FBH1: variants seen among roughly 807,000 people sequenced by gnomAD.
FBH1 encodes F-box DNA helicase 1.
FBH1 carries 43 observed loss-of-function variants against 115.5 expected under a neutral mutation model. That is an observed-to-expected ratio of 0.37 (90% confidence interval 0.29 to 0.48). The LOEUF (loss-of-function observed/expected upper bound fraction) is 0.48. Ranked by LOEUF, FBH1 falls within the 20% of genes least tolerant of loss-of-function variation. FBH1 has a pLI of 0.99. For missense variants in FBH1, 1,001 were observed against 1,337.3 expected (o/e 0.75, Z 3.92); for synonymous variants, 524 against 507.8 (o/e 1.03, Z -0.43).
chr10:5,914,370 C>A lies in FBH1; in HGVS notation c.1396+101C>A. ...CCAGGGCATCTTTGCTCTGATCTGT[C>A]ATCCAACTAATAATTCAATAACAGA... On this transcript the variant is annotated intron_variant, in intron 8 of 20. Transcript: ENST00000362091. The surrounding 1 kb of genome is among the most constrained non-coding windows in gnomAD (Gnocchi z 5.2). 1.1e-6 allele frequency: 1 copy of A among 941,896 alleles called. No individual in the cohort carries two copies. The allele number at this position is 941,896 out of a possible 1,614,324, so 58.3% of individuals were successfully genotyped here.
chr10:5,934,459 C>T (rs1186675886), intron 19 of FBH1: 2 of 149,472 alleles, frequency 1.3e-5, no homozygotes, highest in African/African-American at 2.5e-5. Context: ...CTCACCGCAA[C>T]CTCCACCTCC....
chr10:5,905,997 C>G (rs747084470), intron 2 of FBH1, 40 bp from the exon 3 acceptor site: 5 of 1,427,488 alleles, frequency 3.5e-6, no homozygotes, highest in Non-Finnish European at 4.9e-6. Context: ...CAACAGTCAT[C>G]GTTCATTTCT....
Position 5,906,002 on chromosome 10 carries a change from A to G in FBH1, c.158-35A>G. 1 of 1,489,728 alleles carries G rather than the reference A, an allele frequency of 6.7e-7. No homozygotes were observed. 92.3% of individuals were successfully genotyped at this position (1,489,728 alleles called of 1,614,324 possible). The stretch of plus-strand genomic sequence containing the variant: ...AACAGCAGGTCAACAGTCATCGTTC[A>G]TTTCTTGTCCATCCTGTTTGGGTTC... On this transcript the variant is annotated intron_variant, in intron 2 of 20. Transcript: ENST00000362091. The surrounding 1 kb of genome is among the most constrained non-coding windows in gnomAD (Gnocchi z 7.3).
chr10:5,916,966 CT>C (rs1011572604), intron 10 of FBH1: 3 of 192,690 alleles, frequency 1.6e-5, no homozygotes, highest in African/African-American at 7.1e-5. Context: ...GAGCTTGTCA[CT>C]GGGGCTCCTG....
chr10:5,890,237 C>G (rs145906182), upstream of FBH1: 1 of 358,650 alleles, frequency 2.8e-6, no homozygotes, highest in African/African-American at 2.2e-5. Flanking sequence ...GCGTCTCGGG[C>G]TCCAGGTCCC....
intron 2 of FBH1, among the ~76,000 whole-genome samples, chr10:5,904,969 A>G (rs985105738): frequency 6.6e-6 from 1 of 152,218 alleles, no homozygotes; most frequent in African/African-American, 2.4e-5. Context: ...GAAAGGAACT[A>G]TGTATTATTG....
rs775279363 is a variant in FBH1 at position 5,925,345 on chromosome 10, G to A, written c.2597-22G>A. 3 of 1,612,986 alleles carry A rather than the reference G, an allele frequency of 1.9e-6. No individual in the cohort carries two copies. The highest frequency in any genetic ancestry group is 1.7e-5 in the Admixed American group (1 of 59,832). On this transcript the variant is annotated intron_variant, in intron 17 of 20. Transcript: ENST00000362091. The surrounding 1 kb of genome is among the most constrained non-coding windows in gnomAD (Gnocchi z 4.6). ...CTTTCCCTTTGAAGCACCATCTAACGTGTGCTGTGTTTTTATCCTAGAGTA... is the reference window on the plus strand; with the variant it reads ...CTTTCCCTTTGAAGCACCATCTAACATGTGCTGTGTTTTTATCCTAGAGTA...
chr10:5,908,606 CTT>C (rs962734844), intron 3 of FBH1, among the ~76,000 whole-genome samples: 7 of 143,918 alleles, frequency 4.9e-5, no homozygotes, highest in Non-Finnish European at 3.1e-5. Flanking sequence ...TTTTTTCTTT[CTT>C]TTTTTTTTTT....
At chr10:5,930,155 A>G (rs2048645627) in intron 19 of FBH1, among the ~76,000 whole-genome samples, 3 of 152,234 alleles carry the variant, frequency 2.0e-5, no homozygotes, top group Admixed American at 2.0e-4. Flanking sequence ...AAAAATATGT[A>G]CTTTTTTCCC....
At chr10:5,893,858 TA>T in intron 1 of FBH1, 1 of 371,808 alleles carries the variant, frequency 2.7e-6, no homozygotes, top group Non-Finnish European at 3.7e-6. Flanking sequence ...AGCAGATACG[TA>T]AAAGTAGTTG....
At chr10:5,927,203 T>C (rs1314263989) in intron 18 of FBH1, among the ~76,000 whole-genome samples, 1 of 152,180 alleles carries the variant, frequency 6.6e-6, no homozygotes, top group Non-Finnish European at 1.5e-5. Flanking sequence ...ATTCCCAGGA[T>C]TTACGTAGCA....
chr10:5,931,940 T>TA lies in FBH1; in HGVS notation c.2829+4400dup, dbSNP rs1832993282. ...AGACAGGTCACTTTAAGTCAGGAGTTAGAGATCAGCCTGGCCAACATGGCA... is the reference window on the plus strand; with the variant it reads ...AGACAGGTCACTTTAAGTCAGGAGTTAAGAGATCAGCCTGGCCAACATGGCA... On this transcript the variant is annotated intron_variant, in intron 19 of 20. Coordinates refer to ENST00000362091, the MANE Select transcript of FBH1 (RefSeq NM_178150.3). This position sits in a 1 kb window ranked among gnomAD's most constrained non-coding sequence, Gnocchi z 4.3. Among the ~76,000 whole-genome samples, 1 of 152,182 alleles carries TA rather than the reference T, an allele frequency of 6.6e-6. No individual in the cohort carries two copies. The highest frequency in any genetic ancestry group is 2.4e-5 in the African/African-American group (1 of 41,452).
chr10:5,924,676 T>C lies in FBH1; in HGVS notation c.2596+168T>C. 1.4e-6 allele frequency: 1 copy of C among 709,132 alleles called. No individual in the cohort carries two copies. The highest frequency in any genetic ancestry group is 2.5e-6 in the Non-Finnish European group (1 of 406,500). 43.9% of individuals were successfully genotyped at this position (709,132 alleles called of 1,614,324 possible). A position where few individuals can be genotyped will look rare whatever the true frequency, so the allele number is the denominator to read the frequency against. On this transcript the variant is annotated intron_variant, in intron 17 of 20. Coordinates refer to ENST00000362091, the MANE Select transcript of FBH1 (RefSeq NM_178150.3). The surrounding 1 kb of genome is among the most constrained non-coding windows in gnomAD (Gnocchi z 6.2). ...CCCACCTTCTGGGTTCAAGCAATTA[T>C]CCTGCCTCAGCCTCGTGAGTAGCTG...
At position 5,897,131 on chromosome 10, in the gene FBH1, C is replaced by T. The variant is rs1235070228; in HGVS notation, c.2-5889C>T. Among the ~76,000 whole-genome samples, 6 of 152,140 alleles carry T rather than the reference C, an allele frequency of 3.9e-5. No individual in the cohort carries two copies. The highest frequency in any genetic ancestry group is 1.4e-4 in the African/African-American group (6 of 41,432). On this transcript the variant is annotated intron_variant, in intron 1 of 20. Coordinates refer to ENST00000362091, the MANE Select transcript of FBH1 (RefSeq NM_178150.3). This position sits in a 1 kb window ranked among gnomAD's most constrained non-coding sequence, Gnocchi z 4.7. ...TAGTCACATATTTCTTCTGACGTTT[C>T]TGTTGCTAGGTGTTGACATAGATTT...
chr10:5,894,039 C>CA, intron 1 of FBH1: 1 of 985,372 alleles, frequency 1.0e-6, no homozygotes, highest in Non-Finnish European at 1.2e-6. Context: ...GTGCTGTCTC[C>CA]AAGGGAGTCA....
Position 5,891,203 on chromosome 10 carries a change from A to G in FBH1, c.1+857A>G, listed in dbSNP as rs201895604. 605 of 985,076 alleles carry G rather than the reference A, an allele frequency of 6.1e-4. 9 individuals carry two copies. Among genetic ancestry groups the G allele is most frequent in the Non-Finnish European group, 1.5e-4 (124 of 829,304 alleles). The allele number at this position is 985,076 out of a possible 1,614,324, so 61.0% of individuals were successfully genotyped here. On this transcript the variant is annotated intron_variant, in intron 1 of 20. Transcript: ENST00000362091. The stretch of plus-strand genomic sequence containing the variant: ...GCTGTGGTAAAATGAGCGGAGATAA[A>G]TGAAAAGACTTCTGGAATGGGCCCA...
Position 5,900,980 on chromosome 10 carries a change from C to A in FBH1, c.2-2040C>A, listed in dbSNP as rs913309652. Among the ~76,000 whole-genome samples, 3 of 151,994 alleles carry A rather than the reference C, an allele frequency of 2.0e-5. No homozygotes were observed. The highest frequency in any genetic ancestry group is 4.4e-5 in the Non-Finnish European group (3 of 68,002). On this transcript the variant is annotated intron_variant, in intron 1 of 20. Transcript: ENST00000362091. This position sits in a 1 kb window ranked among gnomAD's most constrained non-coding sequence, Gnocchi z 4.2. ...GGTGTGGTGGAGGGGGCCTGTAGTCCCAGCTACTTGGGAGGCCAAGGCAAG... is the reference window on the plus strand; with the variant it reads ...GGTGTGGTGGAGGGGGCCTGTAGTCACAGCTACTTGGGAGGCCAAGGCAAG...
At position 5,931,964 on chromosome 10, in the gene FBH1, C is replaced by G. The variant is rs1832994419; in HGVS notation, c.2829+4423C>G. 6.6e-6 allele frequency among the ~76,000 whole-genome samples: 1 copy of G among 152,108 alleles called. No homozygotes were observed. The highest frequency in any genetic ancestry group is 1.5e-5 in the Non-Finnish European group (1 of 68,006). The stretch of plus-strand genomic sequence containing the variant: ...TTAGAGATCAGCCTGGCCAACATGG[C>G]AAAACCCTGTCTCTACCAAAAAATA... On this transcript the variant is annotated intron_variant, in intron 19 of 20. Transcript: ENST00000362091. This position sits in a 1 kb window ranked among gnomAD's most constrained non-coding sequence, Gnocchi z 4.3.
intron 1 of FBH1, among the ~76,000 whole-genome samples, chr10:5,896,922 A>G (rs137867704): frequency 6.6e-6 from 1 of 152,340 alleles, no homozygotes; most frequent in African/African-American, 2.4e-5. Flanking sequence ...TGGAAGAAGT[A>G]GCATTTGAGC....
Sources: gnomAD v4.1 joint callset for allele counts (sites outside exome capture counted in the v4.1 genomes callset) on GRCh38, gnomAD v4.1.1 for gene constraint, Gnocchi (gnomAD v3.1) non-coding constraint, MANE v1.5 for transcripts, NCBI Gene and HGNC (gene_info 2026-07-23, HGNC 2026-07-21) for gene names.